The following CLUL1 variants were observed in gnomAD, a reference collection of about 807,000 sequenced individuals.
The protein encoded by CLUL1 is clusterin like 1, also known as clusterin-like protein 1.
Under a neutral mutation model 49.4 loss-of-function variants are expected in CLUL1, and 43 were observed. That is an observed-to-expected ratio of 0.87 (90% CI 0.68 to 1.12). CLUL1 has a LOEUF of 1.12. Ranked by LOEUF, CLUL1 falls within the 50% of genes most tolerant of loss-of-function variation. CLUL1 has a pLI of 0.00. For missense variants in CLUL1, 486 were observed against 544.4 expected, an observed-to-expected ratio of 0.89 and a Z score of 1.07; for synonymous variants, 192 against 184.9, an observed-to-expected ratio of 1.04 and a Z score of -0.31.
chr18:645,803 A>AG (rs2074467452), intron 9 of CLUL1, among the ~76,000 whole-genome samples: 3 of 50,870 alleles, frequency 5.9e-5, no homozygotes, highest in African/African-American at 1.6e-4. Context: ...AAAAAAAAAA[A>AG]AAAAAAAATA....
chr18:631,542 C>T (rs1322383229), intron 6 of CLUL1, among the ~76,000 whole-genome samples: 3 of 152,194 alleles, frequency 2.0e-5, no homozygotes, highest in East Asian at 1.9e-4. Context: ...CTAGACTAAG[C>T]GAGGTGATGG....
intron 9 of CLUL1, 138 bp downstream of exon 9, chr18:645,235 C>A: frequency 1.8e-6 from 1 of 560,892 alleles, no homozygotes. Context: ...AACAAGATGG[C>A]ATTTTCTGCC....
intron 7 of CLUL1, among the ~76,000 whole-genome samples, chr18:635,105 T>C (rs2074100863): frequency 6.6e-6 from 1 of 152,194 alleles, no homozygotes; most frequent in Non-Finnish European, 1.5e-5. Flanking sequence ...TAGGCCTCAG[T>C]TGAGTAATTT....
intron 2 of CLUL1, among the ~76,000 whole-genome samples, chr18:611,112 C>T (rs1271968182): frequency 3.3e-5 from 5 of 152,062 alleles, no homozygotes; most frequent in Non-Finnish European, 7.4e-5. Context: ...CTTTCCTACT[C>T]CCCTTCCCTC....
At position 610,635 on chromosome 18, in the gene CLUL1, G is replaced by A. The variant is rs1202376183; in HGVS notation, c.-14+3536G>A. On this transcript the variant is annotated intron_variant, in intron 2 of 9. Transcript: ENST00000692774. ...GCCCCAGGGAAGAGAAACATCTGAC[G>A]GAGGACAGAGGAAGAAGGGTCAGGA... 5.3e-5 allele frequency among the ~76,000 whole-genome samples: 8 copies of A among 152,268 alleles called. No homozygotes were observed. In the South Asian group the frequency reaches 6.2e-4, roughly 12 times the overall value.
intron 4 of CLUL1, among the ~76,000 whole-genome samples, chr18:621,766 A>T (rs2073493581): frequency 6.6e-6 from 1 of 152,214 alleles, no homozygotes; most frequent in African/African-American, 2.4e-5. Flanking sequence ...ATGAACTGAG[A>T]TAAAGTCAGC....
rs1167738334 is a variant in CLUL1 at position 626,919 on chromosome 18, GAAAGAAA to G, written c.424-177_424-171del. Among the ~76,000 whole-genome samples the G allele has an allele frequency of 5.0e-4, 12 of 24,146 alleles. 2 individuals are homozygous for G. Among genetic ancestry groups the G allele is most frequent in the African/African-American group, 2.2e-3 (12 of 5,432 alleles). 15.8% of individuals were successfully genotyped at this position (24,146 alleles called of 152,430 possible). ...AGAAAGAAAGAAAGAAAGAAAGAAA[GAAAGAAA>G]GAAGGAAAGAAGGAAAGAAGGAAGG... On this transcript the variant is annotated intron_variant, in intron 5 of 9. Coordinates refer to ENST00000692774, the MANE Select transcript of CLUL1 (RefSeq NM_001393344.1).
At chr18:609,370 C>A (rs968446876) in intron 2 of CLUL1, among the ~76,000 whole-genome samples, 3 of 152,142 alleles carry the variant, frequency 2.0e-5, no homozygotes, top group Admixed American at 6.5e-5. Flanking sequence ...ATATATCTGG[C>A]ATGCTCAGAA....
intron 9 of CLUL1, among the ~76,000 whole-genome samples, chr18:645,810 A>AAAAAAAAATATAT (rs1451607900): frequency 1.7e-4 from 5 of 29,868 alleles, no homozygotes; most frequent in African/African-American, 5.5e-4. Context: ...AAAAAAAAAA[A>AAAAAAAAATATAT]ATATATATAT....
intron 6 of CLUL1, among the ~76,000 whole-genome samples, chr18:630,908 G>C (rs2073977966): frequency 1.3e-5 from 2 of 151,162 alleles, no homozygotes; most frequent in South Asian, 4.2e-4. Flanking sequence ...AGCCTAGGGA[G>C]ACCCACTTCA....
intron 4 of CLUL1, among the ~76,000 whole-genome samples, chr18:622,077 T>G (rs1461450006): frequency 1.3e-5 from 2 of 152,136 alleles, no homozygotes; most frequent in Admixed American, 1.3e-4. Context: ...TCCCTAAAAT[T>G]ACTTAAAGCC....
In CLUL1 at chr18:618,416, T is replaced by A. The variant is rs1376341253; in HGVS notation, c.106+310T>A. On this transcript the variant is annotated intron_variant, in intron 3 of 9. Transcript: ENST00000692774. This position sits in a 1 kb window ranked among gnomAD's most constrained non-coding sequence, Gnocchi z 4.2. ...ATCTCAGCACAGCTCTAATGAACAG[T>A]GAAATACTTTTCTAGCATTTGAAAA... 6.6e-6 allele frequency among the ~76,000 whole-genome samples: 1 copy of A among 152,202 alleles called. No homozygotes were observed. Among genetic ancestry groups the A allele is most frequent in the Non-Finnish European group, 1.5e-5 (1 of 68,030 alleles).
intron 1 of CLUL1, among the ~76,000 whole-genome samples, chr18:600,334 C>A (rs1433268118): frequency 1.3e-5 from 2 of 152,138 alleles, no homozygotes; most frequent in African/African-American, 4.8e-5. Context: ...GGCTCAAGAC[C>A]AGGACATTTA....
intron 5 of CLUL1, among the ~76,000 whole-genome samples, 161 bp from the exon 6 acceptor site, chr18:626,936 A>AGAGAGAAAG (rs1567966723): frequency 3.5e-4 from 1 of 2,888 alleles, no homozygotes; most frequent in African/African-American, 5.6e-4. Flanking sequence ...AGAAGGAAAG[A>AGAGAGAAAG]AGGAAAGAAG....
At chr18:635,931 T>C (rs2074124580) in intron 7 of CLUL1, among the ~76,000 whole-genome samples, 1 of 152,046 alleles carries the variant, frequency 6.6e-6, no homozygotes, top group Admixed American at 6.6e-5. Flanking sequence ...GAGATGGGGT[T>C]TCACCATATT....
chr18:604,070 G>A (rs1373738424), intron 1 of CLUL1, among the ~76,000 whole-genome samples: 3 of 152,044 alleles, frequency 2.0e-5, no homozygotes, highest in Non-Finnish European at 2.9e-5. Flanking sequence ...TTATAATGAT[G>A]GGGTTTCACC....
At chr18:612,077 G>C (rs2073150853) in intron 2 of CLUL1, among the ~76,000 whole-genome samples, 1 of 152,100 alleles carries the variant, frequency 6.6e-6, no homozygotes, top group South Asian at 2.1e-4. Flanking sequence ...CTCCAAAGAG[G>C]CACCATTATC....
intron 1 of CLUL1, among the ~76,000 whole-genome samples, chr18:602,607 G>T (rs1235125593): frequency 6.6e-6 from 1 of 152,166 alleles, no homozygotes; most frequent in Admixed American, 6.5e-5. Context: ...TCTGTTTCCT[G>T]TGTAGACCCT....
At chr18:629,153 T>C (rs1402482249) in intron 6 of CLUL1, among the ~76,000 whole-genome samples, 1 of 152,228 alleles carries the variant, frequency 6.6e-6, no homozygotes, top group Non-Finnish European at 1.5e-5. Context: ...ACAGCCATCA[T>C]TACTGGAATT....
Sources: allele counts gnomAD v4.1 joint callset (sites outside exome capture counted in the v4.1 genomes callset), GRCh38; gene constraint gnomAD v4.1.1; non-coding constraint Gnocchi (gnomAD v3.1); transcripts MANE v1.5; gene names NCBI Gene and HGNC (gene_info 2026-07-23, HGNC 2026-07-21).